The following SPATA17 variants were observed in gnomAD, a reference collection of about 807,000 sequenced individuals.
SPATA17 encodes the protein spermatogenesis-associated protein 17.
SPATA17 carries 53 observed loss-of-function variants against 62.2 expected under a neutral mutation model. That is an observed-to-expected ratio of 0.85 (90% CI 0.68 to 1.07). The LOEUF (loss-of-function observed/expected upper bound fraction) is 1.07, where lower values mean the gene tolerates loss of function less well. Ranked by LOEUF, SPATA17 falls within the 50% of genes least tolerant of loss-of-function variation. The pLI is 0.00. For missense variants in SPATA17, 466 were observed against 425.5 expected (o/e 1.10, Z -0.84); for synonymous variants, 146 against 146.8 (o/e 0.99, Z 0.04).
chr1:217,804,473 G>A (rs2102989047), intron 9 of SPATA17, among the ~76,000 whole-genome samples: 1 of 152,224 alleles, frequency 6.6e-6, no homozygotes, highest in Non-Finnish European at 1.5e-5. Flanking sequence ...TCTTGACATT[G>A]GTCTAAGCAA....
chr1:217,686,000 G>GGTAT (rs547217709), intron 5 of SPATA17, among the ~76,000 whole-genome samples: 7,624 of 152,054 alleles, frequency 0.05, 250 homozygotes, highest in Middle Eastern at 0.12. Flanking sequence ...CTTTATCATA[G>GGTAT]GTATGTATGT....
chr1:217,853,962 C>T (rs138839202), intron 9 of SPATA17, among the ~76,000 whole-genome samples: 2,806 of 152,214 alleles, frequency 0.018, 37 homozygotes, highest in Non-Finnish European at 0.026. Flanking sequence ...GAGCAATGAA[C>T]GATTCGTGAA....
chr1:217,770,978 A>ATTTTTTTTTTTTTTTTTTTTT lies in SPATA17; in HGVS notation c.520-3346_520-3326dup, dbSNP rs374042087. Reference sequence around the variant, plus strand: ...ATGTATCTATTATATAACTCATTGCATTTTTTTTTTTTTTTTTTTTTTTTT... The same window carrying ATTTTTTTTTTTTTTTTTTTTT: ...ATGTATCTATTATATAACTCATTGCATTTTTTTTTTTTTTTTTTTTTTTTTTTTTTTTTTTTTTTTTTTTTT... On this transcript the variant is annotated intron_variant, in intron 6 of 10. Coordinates refer to ENST00000366933, the MANE Select transcript of SPATA17 (RefSeq NM_138796.4). Among the ~76,000 whole-genome samples, 54 of 50,146 alleles carry ATTTTTTTTTTTTTTTTTTTTT rather than the reference A, an allele frequency of 1.1e-3. 6 individuals are homozygous for ATTTTTTTTTTTTTTTTTTTTT. The highest frequency in any genetic ancestry group is 3.3e-3 in the East Asian group (4 of 1,198). The allele number at this position is 50,146 out of a possible 152,430, so 32.9% of individuals were successfully genotyped here. A position where few individuals can be genotyped will look rare whatever the true frequency, so the allele number is the denominator to read the frequency against.
chr1:217,633,236 TAAC>T (rs1571693008), intron 1 of SPATA17, among the ~76,000 whole-genome samples: 1 of 146,670 alleles, frequency 6.8e-6, no homozygotes. Flanking sequence ...AAATAAATAA[TAAC>T]AACAATAGAG....
intron 6 of SPATA17, among the ~76,000 whole-genome samples, chr1:217,754,464 G>A (rs1203123809): frequency 6.6e-6 from 1 of 152,000 alleles, no homozygotes; most frequent in Non-Finnish European, 1.5e-5. Context: ...TAGTTTTGTA[G>A]ATTTAAATTT....
chr1:217,651,125 C>A lies in SPATA17; in HGVS notation c.187C>A (p.Gln63Lys), dbSNP rs148812472. The A allele has an allele frequency of 6.2e-7, 1 of 1,608,378 alleles. No homozygotes were observed. The highest frequency in any genetic ancestry group is 1.3e-5 in the African/African-American group (1 of 74,600). The change falls in exon 3 of 11, where the codon CAA (glutamine) becomes AAA (lysine). Residue 63 changes from glutamine (Q) to lysine (K), a missense_variant. Coordinates refer to ENST00000366933, the MANE Select transcript of SPATA17 (RefSeq NM_138796.4). Reference protein sequence around the residue: ...RHLNRIVTIIQKWWRSFLGRK... With the variant: ...RHLNRIVTIIKKWWRSFLGRK... The stretch of plus-strand genomic sequence containing the variant: ...TTTAAACAGGATTGTAACAATTATT[C>A]AAAAATGGTGGAGAAGTTTCTTAGG...
intron 9 of SPATA17, among the ~76,000 whole-genome samples, chr1:217,837,759 A>G (rs937358884): frequency 6.6e-6 from 1 of 152,114 alleles, no homozygotes; most frequent in Non-Finnish European, 1.5e-5. Context: ...CATAATCTAT[A>G]TGCATTTCTT....
intron 9 of SPATA17, among the ~76,000 whole-genome samples, chr1:217,851,363 CATGTTCCCAG>C (rs1017227821): frequency 6.6e-6 from 1 of 151,950 alleles, no homozygotes; most frequent in Non-Finnish European, 1.5e-5. Context: ...TCCAGGTTCA[CATGTTCCCAG>C]ATGTTCCCAG....
At chr1:217,803,007 G>T (rs1252925254) in intron 9 of SPATA17, among the ~76,000 whole-genome samples, 1 of 152,144 alleles carries the variant, frequency 6.6e-6, no homozygotes, top group Non-Finnish European at 1.5e-5. Flanking sequence ...CCGCCCCTCA[G>T]ATTCAAGTGA....
At chr1:217,795,402 C>T (rs1297165466) in intron 8 of SPATA17, among the ~76,000 whole-genome samples, 2 of 117,498 alleles carry the variant, frequency 1.7e-5, no homozygotes, top group African/African-American at 6.3e-5. Flanking sequence ...CAGAGTCTTG[C>T]TCTGTCGCCC....
rs1465289033 is a variant in SPATA17 at position 217,868,666 on chromosome 1, T to G, written c.*1647T>G. On this transcript the variant is annotated 3_prime_UTR_variant, in exon 11 of 11. Coordinates refer to ENST00000366933, the MANE Select transcript of SPATA17 (RefSeq NM_138796.4). ...AACCAGAAAGTATCTGAGACAATGT[T>G]TTTTTTTTTTTTTTTTTTTTTTTTA... is the stretch of plus-strand genomic sequence containing the variant. 0.064 allele frequency: 14 copies of G among 220 alleles called. No individual in the cohort carries two copies. The highest frequency in any genetic ancestry group is 0.075 in the Non-Finnish European group (6 of 80). 0.0% of individuals were successfully genotyped at this position (220 alleles called of 1,614,324 possible).
intron 5 of SPATA17, among the ~76,000 whole-genome samples, chr1:217,690,623 A>G (rs1252331665): frequency 8.4e-5 from 10 of 119,150 alleles, no homozygotes; most frequent in Admixed American, 5.1e-4. Flanking sequence ...ATATCTCCCA[A>G]TGCTATCCCT....
intron 6 of SPATA17, among the ~76,000 whole-genome samples, chr1:217,759,984 A>G (rs1673133097): frequency 6.6e-6 from 1 of 152,226 alleles, no homozygotes. Flanking sequence ...GAAAGTACAA[A>G]GGAAGAACTA....
At chr1:217,739,686 G>A (rs1395704169) in intron 5 of SPATA17, 1 of 151,906 alleles carries the variant, frequency 6.6e-6, no homozygotes, top group Non-Finnish European at 1.5e-5. Context: ...TGCACACTGA[G>A]AAATATCTTC....
chr1:217,716,008 A>G (rs749103968), intron 5 of SPATA17, among the ~76,000 whole-genome samples: 54 of 152,196 alleles, frequency 3.5e-4, no homozygotes, highest in Non-Finnish European at 7.1e-4. Context: ...AACTCAATTC[A>G]AAAGATTTGA....
chr1:217,821,464 A>G (rs1283130897), intron 9 of SPATA17, among the ~76,000 whole-genome samples: 1 of 152,124 alleles, frequency 6.6e-6, no homozygotes, highest in Non-Finnish European at 1.5e-5. Context: ...TGTGAAGTCA[A>G]ATAAAATGAA....
At chr1:217,814,189 T>C (rs1410167001) in intron 9 of SPATA17, among the ~76,000 whole-genome samples, 1 of 152,220 alleles carries the variant, frequency 6.6e-6, no homozygotes, top group Admixed American at 6.5e-5. Context: ...GATTCTAAAA[T>C]ATTTCATTTA....
chr1:217,795,955 G>A (rs1346967757), intron 8 of SPATA17, among the ~76,000 whole-genome samples: 2 of 151,698 alleles, frequency 1.3e-5, no homozygotes, highest in African/African-American at 2.4e-5. Context: ...TCACCACCAC[G>A]CCCAGCTGAT....
chr1:217,667,205 G>C (rs1029951256), intron 3 of SPATA17, among the ~76,000 whole-genome samples: 8 of 151,142 alleles, frequency 5.3e-5, no homozygotes, highest in African/African-American at 1.9e-4. Context: ...CTGCCACTAC[G>C]CCCAGCTACT....
Sources: allele counts gnomAD v4.1 joint callset (sites outside exome capture counted in the v4.1 genomes callset), GRCh38; gene constraint gnomAD v4.1.1; transcripts MANE v1.5; gene names NCBI Gene and HGNC (gene_info 2026-07-23, HGNC 2026-07-21).